DIP2C: variants seen among roughly 807,000 people sequenced by gnomAD.
DIP2C encodes DIP2 acetate--CoA ligase C (putative).
In DIP2C, 33 loss-of-function variants were observed where a neutral mutation model predicts 192.4. The ratio of observed to expected loss-of-function variants is 0.17; its 90% CI spans 0.13 to 0.23. The LOEUF (loss-of-function observed/expected upper bound fraction) is 0.23, where lower values mean the gene tolerates loss of function less well. Ranked by LOEUF, DIP2C falls within the 10% of genes least tolerant of loss-of-function variation. The pLI is 1.00. For missense variants in DIP2C, 1,537 were observed against 2,110.1 expected (o/e 0.73, Z 5.32); for synonymous variants, 979 against 864.1 (o/e 1.13, Z -2.33).
chr10:453,082 T>C (rs893576657), intron 3 of DIP2C, among the ~76,000 whole-genome samples: 2 of 152,230 alleles, frequency 1.3e-5, no homozygotes. Context: ...TAGGAAAATA[T>C]AACATGGGTA....
chr10:368,976 G>A (rs556502196), intron 18 of DIP2C, among the ~76,000 whole-genome samples: 14 of 152,244 alleles, frequency 9.2e-5, no homozygotes, highest in South Asian at 2.1e-4. Flanking sequence ...GGGGAGGCAC[G>A]GCGGGCCCTG....
At chr10:424,400 C>CTGT (rs1221346519) in intron 4 of DIP2C, among the ~76,000 whole-genome samples, 2 of 125,010 alleles carry the variant, frequency 1.6e-5, no homozygotes, top group East Asian at 4.8e-4. Flanking sequence ...GAGTCTTCCT[C>CTGT]TGTTGCCCAG....
intron 8 of DIP2C, among the ~76,000 whole-genome samples, chr10:411,552 C>G (rs563637736): frequency 6.6e-6 from 1 of 152,264 alleles, no homozygotes; most frequent in East Asian, 1.9e-4. Context: ...AACGGCAGGA[C>G]TTTAGAGAAT....
intron 1 of DIP2C, among the ~76,000 whole-genome samples, chr10:569,012 G>T (rs368012273): frequency 1.3e-5 from 2 of 152,100 alleles, no homozygotes; most frequent in African/African-American, 2.4e-5. Context: ...TGAGGGCAGC[G>T]GCTTCCTGGC....
At chr10:454,601 G>T (rs567343791) in intron 3 of DIP2C, among the ~76,000 whole-genome samples, 1 of 121,338 alleles carries the variant, frequency 8.2e-6, no homozygotes, top group Non-Finnish European at 1.5e-5. Flanking sequence ...GAGATATTCG[G>T]GGATAAAAAC....
chr10:356,215 T>C, intron 24 of DIP2C: 2 of 629,944 alleles, frequency 3.2e-6, no homozygotes, highest in Non-Finnish European at 5.7e-6. Flanking sequence ...CTAAAATATC[T>C]GTACACACAA....
chr10:372,617 G>A (rs977307242), intron 17 of DIP2C, among the ~76,000 whole-genome samples: 5 of 152,192 alleles, frequency 3.3e-5, no homozygotes, highest in Admixed American at 6.5e-5. Flanking sequence ...GAAAACGCAC[G>A]GCCCCGGGAT....
chr10:367,273 C>T (rs1419343565), intron 18 of DIP2C, among the ~76,000 whole-genome samples: 1 of 152,048 alleles, frequency 6.6e-6, no homozygotes, highest in Admixed American at 6.6e-5. Context: ...AAAAAGTAGC[C>T]GGGCGCAGTG....
At chr10:492,631 T>C (rs941878668) in intron 1 of DIP2C, among the ~76,000 whole-genome samples, 1 of 152,180 alleles carries the variant, frequency 6.6e-6, no homozygotes, top group Non-Finnish European at 1.5e-5. Context: ...CACACAAATA[T>C]TTAATTAACG....
intron 1 of DIP2C, among the ~76,000 whole-genome samples, chr10:591,687 G>A (rs1851411885): frequency 6.6e-6 from 1 of 152,142 alleles, no homozygotes; most frequent in Non-Finnish European, 1.5e-5. Flanking sequence ...ACACAAGGAC[G>A]AAGCCACCAG....
In DIP2C at chr10:681,887, G is replaced by A. The variant is rs1831147573; in HGVS notation, c.85+7607C>T. Among the ~76,000 whole-genome samples the A allele has an allele frequency of 2.0e-5, 3 of 152,350 alleles. No homozygotes were observed. The South Asian group carries it at 6.2e-4, about 32-fold the overall frequency. On this transcript the variant is annotated intron_variant, in intron 1 of 36. Coordinates refer to ENST00000280886, the MANE Select transcript of DIP2C (RefSeq NM_014974.3). ...GGAGAGGTCCCTGTTCGGCAACTGT[G>A]CCTGTGGAGGGCCCCCCAACACTCA... is the stretch of plus-strand genomic sequence containing the variant.
At position 443,933 on chromosome 10, in the gene DIP2C, T is replaced by G. The variant is rs192087586; in HGVS notation, c.269-2937A>C. Among the ~76,000 whole-genome samples, 27 of 152,338 alleles carry G rather than the reference T, an allele frequency of 1.8e-4. No individual in the cohort carries two copies. The South Asian group carries it at 5.4e-3, about 30-fold the overall frequency. ...TATACACAGTGAAATGTTCAGATCT[T>G]AAGTACACTTGGTGCACTTTGATAA... On this transcript the variant is annotated intron_variant, in intron 3 of 36. Transcript: ENST00000280886.
intron 1 of DIP2C, among the ~76,000 whole-genome samples, chr10:570,259 C>T (rs1312813417): frequency 6.6e-6 from 1 of 152,176 alleles, no homozygotes; most frequent in Non-Finnish European, 1.5e-5. Context: ...ATTTAAACTT[C>T]ACAGTGTCAC....
rs1959740102 is a variant in DIP2C at position 363,163 on chromosome 10, C to G, written c.2592+34G>C. 1.3e-6 allele frequency: 2 copies of G among 1,586,974 alleles called. No individual in the cohort carries two copies. The highest frequency in any genetic ancestry group is 8.6e-7 in the Non-Finnish European group (1 of 1,158,238). On this transcript the variant is annotated intron_variant, in intron 21 of 36. Transcript: ENST00000280886. The surrounding 1 kb of genome is among the most constrained non-coding windows in gnomAD (Gnocchi z 5.4). ...AAGTAAGGAGGCCAGAAACAAGACA[C>G]AGGGGACCAGTGCCCAGGGCGAGGG...
At chr10:409,997 CT>C (rs1056631788) in intron 8 of DIP2C, among the ~76,000 whole-genome samples, 1 of 152,220 alleles carries the variant, frequency 6.6e-6, no homozygotes, top group African/African-American at 2.4e-5. Flanking sequence ...TAACAGCTAT[CT>C]TAACTGTTTT....
rs1959787193 is a variant in DIP2C at position 363,490 on chromosome 10, G to A, written c.2478-179C>T. ...ATCAGTACGGGAAGAACTGTGGGAG[G>A]CGCCCAGGGATGCTGCCGAGGCAAG... On this transcript the variant is annotated intron_variant, in intron 20 of 36. Transcript: ENST00000280886. This position sits in a 1 kb window ranked among gnomAD's most constrained non-coding sequence, Gnocchi z 5.4. 1.3e-5 allele frequency among the ~76,000 whole-genome samples: 2 copies of A among 152,158 alleles called. No individual in the cohort carries two copies. Among genetic ancestry groups the A allele is most frequent in the Non-Finnish European group, 2.9e-5 (2 of 68,022 alleles).
Position 274,985 on chromosome 10 carries a change from T to C in DIP2C, c.*2340A>G, listed in dbSNP as rs1225995298. The C allele has an allele frequency of 6.6e-6, 1 of 152,246 alleles. No individual in the cohort carries two copies. Among genetic ancestry groups the C allele is most frequent in the Admixed American group, 6.5e-5 (1 of 15,284 alleles). The allele number at this position is 152,246 out of a possible 1,614,324, so 9.4% of individuals were successfully genotyped here. On this transcript the variant is annotated 3_prime_UTR_variant, in exon 37 of 37. Transcript: ENST00000280886. Reference sequence around the variant, plus strand: ...TTTCTCTTGCACAACCAAATTTCAATCTCAGTCCACCAACTCTTTTGAGCC... The same window carrying C: ...TTTCTCTTGCACAACCAAATTTCAACCTCAGTCCACCAACTCTTTTGAGCC...
intron 1 of DIP2C, among the ~76,000 whole-genome samples, chr10:613,958 G>C (rs940657004): frequency 6.6e-6 from 1 of 152,104 alleles, no homozygotes; most frequent in Non-Finnish European, 1.5e-5. Flanking sequence ...TCCAGCCCAG[G>C]ATATTCAGGG....
intron 3 of DIP2C, among the ~76,000 whole-genome samples, chr10:449,514 T>A (rs1968655049): frequency 6.6e-6 from 1 of 151,172 alleles, no homozygotes; most frequent in African/African-American, 2.4e-5. Context: ...GTGAGTATCT[T>A]AAAGAGAAAA....
Sources: allele counts gnomAD v4.1 joint callset (sites outside exome capture counted in the v4.1 genomes callset), GRCh38; gene constraint gnomAD v4.1.1; non-coding constraint Gnocchi (gnomAD v3.1); transcripts MANE v1.5; gene names NCBI Gene and HGNC (gene_info 2026-07-23, HGNC 2026-07-21).